The following PCLO variants were observed in gnomAD, a reference collection of about 807,000 sequenced individuals.
PCLO encodes piccolo presynaptic cytomatrix protein, also known as protein piccolo.
Under a neutral mutation model 427.5 loss-of-function variants are expected in PCLO, and 82 were observed. The observed-to-expected ratio is 0.19, with a 90% CI of 0.16 to 0.23. The LOEUF (loss-of-function observed/expected upper bound fraction) is 0.23. PCLO is among the 10% of genes least tolerant of loss of function. The pLI is 1.00. For missense variants in PCLO, 6,239 were observed against 6,115.9 expected (o/e 1.02, Z -0.67); for synonymous variants, 2,357 against 2,155.4 (o/e 1.09, Z -2.59).
chr7:83,009,059 T>C lies in PCLO; in HGVS notation c.3301-42572A>G, dbSNP rs138542484. ...CCATACAGAAAAATTACCTAAACCT[T>C]AATTCATTTTAACTTATTTTAAGAT... On this transcript the variant is annotated intron_variant, in intron 3 of 24. Transcript: ENST00000333891. 6.6e-3 allele frequency among the ~76,000 whole-genome samples: 999 copies of C among 151,826 alleles called. 17 individuals carry two copies. The highest frequency in any genetic ancestry group is 0.01 in the Middle Eastern group (3 of 292).
Position 83,139,804 on chromosome 7 carries a change from G to A in PCLO, c.1894-4148C>T, listed in dbSNP as rs900348362. On this transcript the variant is annotated intron_variant, in intron 2 of 24. Coordinates refer to ENST00000333891, the MANE Select transcript of PCLO (RefSeq NM_033026.6). ...AATACGGGTTGAAATCATTATCTAC[G>A]GCTAGCACTATATAAAAGCTTTTAT... Among the ~76,000 whole-genome samples, 7 of 151,932 alleles carry A rather than the reference G, an allele frequency of 4.6e-5. No individual in the cohort carries two copies. In the East Asian group the frequency reaches 5.8e-4, roughly 13 times the overall value.
intron 6 of PCLO, among the ~76,000 whole-genome samples, chr7:82,920,096 A>T (rs961593292): frequency 6.6e-6 from 1 of 151,902 alleles, no homozygotes; most frequent in Non-Finnish European, 1.5e-5. Context: ...CAAAGACAAT[A>T]AAAACTTCTC....
At chr7:82,848,226 C>T (rs527466998) in intron 10 of PCLO, among the ~76,000 whole-genome samples, 2 of 148,268 alleles carry the variant, frequency 1.3e-5, no homozygotes, top group African/African-American at 4.9e-5. Context: ...AGATAGTGCT[C>T]AAATATTTGT....
rs980444888 is a variant in PCLO at position 83,152,026 on chromosome 7, G to A, written c.1893+2722C>T. ...GTTGCCCAGGCTGGAATGCAGTGGC[G>A]TGATCTTGGCTCACTGCAAGCTCCG... On this transcript the variant is annotated intron_variant, in intron 2 of 24. Coordinates refer to ENST00000333891, the MANE Select transcript of PCLO (RefSeq NM_033026.6). Among the ~76,000 whole-genome samples, 14 of 151,568 alleles carry A rather than the reference G, an allele frequency of 9.2e-5. No homozygotes were observed. The East Asian group carries it at 1.4e-3, about 15-fold the overall frequency.
rs540534652 is a variant in PCLO at position 83,097,274 on chromosome 7, G to A, written c.3300+36976C>T. ...ACAGTGGCTCACGCCTGTAATCCCA[G>A]CACTTTGGGAGGCTGAGGTGGGCGG... On this transcript the variant is annotated intron_variant, in intron 3 of 24. Transcript: ENST00000333891. 3.6e-3 allele frequency among the ~76,000 whole-genome samples: 511 copies of A among 140,782 alleles called. 7 individuals carry two copies. Among genetic ancestry groups the A allele is most frequent in the African/African-American group, 0.013 (491 of 38,114 alleles). 92.4% of individuals were successfully genotyped at this position (140,782 alleles called of 152,430 possible).
rs181044746 is a variant in PCLO, at chr7:83,141,907, T to G, written c.1894-6251A>C. Among the ~76,000 whole-genome samples the G allele has an allele frequency of 2.0e-5, 3 of 152,314 alleles. No individual in the cohort carries two copies. In the East Asian group the frequency reaches 5.8e-4, roughly 29 times the overall value. ...GTGTATCTTCAATAATGACTCAAAA[T>G]AATCAGTTTGATACATCTAAGCAAT... On this transcript the variant is annotated intron_variant, in intron 2 of 24. Transcript: ENST00000333891.
chr7:83,133,565 CAT>C (rs978675436), intron 3 of PCLO, among the ~76,000 whole-genome samples: 1 of 152,022 alleles, frequency 6.6e-6, no homozygotes. Context: ...AAAAACCCTT[CAT>C]GTTAGTTATA....
chr7:83,143,429 C>T (rs1399534899), intron 2 of PCLO, among the ~76,000 whole-genome samples: 1 of 152,114 alleles, frequency 6.6e-6, no homozygotes, highest in Non-Finnish European at 1.5e-5. Flanking sequence ...AATAATACAT[C>T]CAGAAATTGA....
chr7:83,086,376 T>C (rs1457158187), intron 3 of PCLO, among the ~76,000 whole-genome samples: 4 of 152,178 alleles, frequency 2.6e-5, no homozygotes, highest in South Asian at 4.1e-4. Context: ...CCCAAAGTTC[T>C]AGGATTACAG....
chr7:83,127,934 C>A (rs548224006), intron 3 of PCLO, among the ~76,000 whole-genome samples: 1 of 152,156 alleles, frequency 6.6e-6, no homozygotes, highest in African/African-American at 2.4e-5. Flanking sequence ...ACAATGATAG[C>A]CTTGAGATCT....
At chr7:83,080,984 T>G (rs1194697696) in intron 3 of PCLO, among the ~76,000 whole-genome samples, 1 of 151,938 alleles carries the variant, frequency 6.6e-6, no homozygotes, top group Non-Finnish European at 1.5e-5. Flanking sequence ...AAATATGGTC[T>G]GTCTCTCAAA....
chr7:83,121,964 C>G (rs1258645637), intron 3 of PCLO, among the ~76,000 whole-genome samples: 3 of 152,030 alleles, frequency 2.0e-5, no homozygotes, highest in Admixed American at 6.6e-5. Context: ...TCCATCATGA[C>G]CAAGTGAGAT....
chr7:82,789,755 A>G (rs1284893618), intron 22 of PCLO, among the ~76,000 whole-genome samples: 2 of 151,988 alleles, frequency 1.3e-5, no homozygotes, highest in African/African-American at 4.8e-5. Context: ...ACTCCAAATT[A>G]CTCTTTTAAC....
In PCLO at chr7:82,824,320, G is replaced by A. The variant is rs1791877182; in HGVS notation, c.14512C>T (p.His4838Tyr). The change falls in exon 19 of 25, where the codon CAT (histidine) becomes TAT (tyrosine). Residue 4838 changes from histidine to tyrosine, a missense_variant. Coordinates refer to ENST00000333891, the MANE Select transcript of PCLO (RefSeq NM_033026.6). Reference protein sequence around the residue: ...QTESIDHGKSHSSQSSQQSPK... With the variant: ...QTESIDHGKSYSSQSSQQSPK... ...GACTGCTGGCTGCTCTGACTGGAAT[G>A]AGACTTGCCATGATCAATGCTTTCA... The A allele has an allele frequency of 1.2e-6, 2 of 1,613,532 alleles. No individual in the cohort carries two copies. The highest frequency in any genetic ancestry group is 1.3e-5 in the African/African-American group (1 of 74,988).
intron 3 of PCLO, among the ~76,000 whole-genome samples, chr7:83,114,211 T>C (rs1028560446): frequency 6.6e-6 from 1 of 152,128 alleles, no homozygotes; most frequent in Non-Finnish European, 1.5e-5. Context: ...TTGATAGTCC[T>C]GAGGAGATAA....
chr7:83,025,817 A>T (rs960606081), intron 3 of PCLO, among the ~76,000 whole-genome samples: 1 of 152,204 alleles, frequency 6.6e-6, no homozygotes, highest in Non-Finnish European at 1.5e-5. Flanking sequence ...CTCAAAGAAA[A>T]GAATTTTCAA....
In PCLO at chr7:82,756,523, T is replaced by C. The variant is rs1403332514; in HGVS notation, c.*2052A>G. ...TTTCTCAGTTTGGGGAAGATCGAAT[T>C]TGTATTCTGAAGTCATATATATATA... On this transcript the variant is annotated 3_prime_UTR_variant, in exon 25 of 25. Coordinates refer to ENST00000333891, the MANE Select transcript of PCLO (RefSeq NM_033026.6). 7.5e-6 allele frequency: 1 copy of C among 132,744 alleles called. No individual in the cohort carries two copies. Among genetic ancestry groups the C allele is most frequent in the African/African-American group, 2.7e-5 (1 of 37,064 alleles). The allele number at this position is 132,744 out of a possible 1,614,324, so 8.2% of individuals were successfully genotyped here. A position where few individuals can be genotyped will look rare whatever the true frequency, so the allele number is the denominator to read the frequency against.
intron 3 of PCLO, among the ~76,000 whole-genome samples, chr7:82,972,833 G>A (rs896871104): frequency 6.6e-6 from 1 of 151,992 alleles, no homozygotes; most frequent in Non-Finnish European, 1.5e-5. Context: ...AATTTAAAAA[G>A]AGAAATAATT....
rs1790286747 is a variant in PCLO at position 82,755,018 on chromosome 7, C to A, written c.*3557G>T. On this transcript the variant is annotated 3_prime_UTR_variant, in exon 25 of 25. Transcript: ENST00000333891. ...TTTATGATATTTTAATGAAATGAAGCATTGATCAAATAATTTCTAATAAAT... is the reference window on the plus strand; with the variant it reads ...TTTATGATATTTTAATGAAATGAAGAATTGATCAAATAATTTCTAATAAAT... 1 of 151,930 alleles carries A rather than the reference C, an allele frequency of 6.6e-6. No homozygotes were observed. The highest frequency in any genetic ancestry group is 1.5e-5 in the Non-Finnish European group (1 of 67,936). 9.4% of individuals were successfully genotyped at this position (151,930 alleles called of 1,614,324 possible).
Sources: gnomAD v4.1 joint callset for allele counts (sites outside exome capture counted in the v4.1 genomes callset) on GRCh38, gnomAD v4.1.1 for gene constraint, MANE v1.5 for transcripts, NCBI Gene and HGNC (gene_info 2026-07-23, HGNC 2026-07-21) for gene names.